The following MCPH1 variants were observed in gnomAD, a reference collection of about 807,000 sequenced individuals.
MCPH1 encodes microcephalin 1.
MCPH1 carries 104 observed loss-of-function variants against 84.5 expected under a neutral mutation model. That is an observed-to-expected ratio of 1.23 (90% CI 1.05 to 1.45). The LOEUF is 1.45. Ranked by LOEUF, MCPH1 falls within the 40% of genes most tolerant of loss-of-function variation. The pLI is 0.00. For missense variants in MCPH1, 1,498 were observed against 1,005.7 expected, an observed-to-expected ratio of 1.49 and a Z score of -6.62; for synonymous variants, 514 against 366.8, an observed-to-expected ratio of 1.40 and a Z score of -4.58.
intron 9 of MCPH1, among the ~76,000 whole-genome samples, chr8:6,470,379 G>C (rs1230621506): frequency 6.6e-6 from 1 of 152,136 alleles, no homozygotes; most frequent in East Asian, 1.9e-4. Flanking sequence ...CGTCTCCCGG[G>C]TTCAAGCGAT....
chr8:6,537,507 C>T (rs190981919), intron 12 of MCPH1, among the ~76,000 whole-genome samples: 165 of 151,024 alleles, frequency 1.1e-3, no homozygotes, highest in Non-Finnish European at 1.9e-3. Context: ...GGCAGCGCAT[C>T]GAAACTCAAG....
intron 3 of MCPH1, 73 bp from the exon 4 acceptor site, chr8:6,431,426 G>C: frequency 9.1e-7 from 1 of 1,099,034 alleles, no homozygotes; most frequent in Non-Finnish European, 1.4e-6. Context: ...GCTAATACAT[G>C]TGCAGATTTA....
intron 12 of MCPH1, among the ~76,000 whole-genome samples, chr8:6,540,222 A>T (rs568306825): frequency 6.6e-6 from 1 of 152,170 alleles, no homozygotes; most frequent in East Asian, 1.9e-4. Context: ...TTCCACATAT[A>T]TTCATATCAT....
chr8:6,513,951 A>G, intron 12 of MCPH1: 1 of 1,115,160 alleles, frequency 9.0e-7, no homozygotes, highest in South Asian at 1.8e-5. Flanking sequence ...AATAGCAGAA[A>G]TTCCTTCTGG....
At chr8:6,640,852 G>A (rs1015378305) in intron 13 of MCPH1, among the ~76,000 whole-genome samples, 13 of 152,132 alleles carry the variant, frequency 8.5e-5, no homozygotes, top group African/African-American at 2.9e-4. Flanking sequence ...ACTGTATAAT[G>A]TGAGGGGACC....
intron 9 of MCPH1, among the ~76,000 whole-genome samples, chr8:6,462,735 T>A (rs1375040243): frequency 6.6e-6 from 1 of 152,200 alleles, no homozygotes; most frequent in Non-Finnish European, 1.5e-5. Flanking sequence ...AAAACAGGAA[T>A]AATAATAATA....
At chr8:6,448,867 G>T (rs1282756378) in intron 8 of MCPH1, among the ~76,000 whole-genome samples, 1 of 151,970 alleles carries the variant, frequency 6.6e-6, no homozygotes, top group Non-Finnish European at 1.5e-5. Context: ...ACCAAATCGA[G>T]GTATGTAGGT....
At chr8:6,432,479 G>C (rs1199345340) in intron 4 of MCPH1, among the ~76,000 whole-genome samples, 1 of 152,204 alleles carries the variant, frequency 6.6e-6, no homozygotes, top group East Asian at 1.9e-4. Context: ...TTTCATTTGA[G>C]ATAGAATTCA....
At chr8:6,596,390 G>C (rs1056317418) in intron 12 of MCPH1, among the ~76,000 whole-genome samples, 1 of 152,162 alleles carries the variant, frequency 6.6e-6, no homozygotes, top group Non-Finnish European at 1.5e-5. Context: ...GTTATACACA[G>C]TAAAGAGATG....
At chr8:6,460,519 G>A (rs1189240198) in intron 9 of MCPH1, among the ~76,000 whole-genome samples, 1 of 151,652 alleles carries the variant, frequency 6.6e-6, no homozygotes, top group East Asian at 1.9e-4. Flanking sequence ...CCCTCTATTT[G>A]ATTTATAAAA....
intron 2 of MCPH1, among the ~76,000 whole-genome samples, chr8:6,414,538 C>G (rs1208832800): frequency 6.6e-6 from 1 of 152,184 alleles, no homozygotes; most frequent in Non-Finnish European, 1.5e-5. Context: ...TCTATTCTTT[C>G]AGTAACACTT....
Position 6,462,390 on chromosome 8 carries a change from G to A in MCPH1, c.1935+7138G>A, listed in dbSNP as rs574668195. 4.5e-4 allele frequency among the ~76,000 whole-genome samples: 69 copies of A among 152,284 alleles called. No homozygotes were observed. In the South Asian group the frequency reaches 5.0e-3, roughly 11 times the overall value. ...AATAAGTGCTCAGTAAATATTTTCT[G>A]AGTAAATAAGAGATGCATTAATTTC... On this transcript the variant is annotated intron_variant, in intron 9 of 13. Coordinates refer to ENST00000344683, the MANE Select transcript of MCPH1 (RefSeq NM_024596.5).
chr8:6,417,324 C>G (rs941794983), intron 3 of MCPH1, among the ~76,000 whole-genome samples: 2 of 152,176 alleles, frequency 1.3e-5, no homozygotes, highest in South Asian at 4.1e-4. Context: ...GGTCTCTGCT[C>G]AACAGCTCAG....
chr8:6,411,278 T>C (rs537652015), intron 2 of MCPH1, among the ~76,000 whole-genome samples: 1 of 152,262 alleles, frequency 6.6e-6, no homozygotes, highest in South Asian at 2.1e-4. Context: ...TGGTGACATA[T>C]CCACCAGAAG....
chr8:6,562,695 C>T (rs1563132385), intron 12 of MCPH1: 2 of 1,609,146 alleles, frequency 1.2e-6, no homozygotes, highest in East Asian at 4.5e-5. Context: ...CCAGCACTTG[C>T]AGCCTCTGCA....
intron 9 of MCPH1, among the ~76,000 whole-genome samples, chr8:6,455,856 G>T (rs140695337): frequency 9.2e-5 from 14 of 152,116 alleles, no homozygotes; most frequent in African/African-American, 3.1e-4. Flanking sequence ...ATTTTTATGA[G>T]GCCAAAAAAG....
At chr8:6,455,316 G>C in intron 9 of MCPH1, 64 bp downstream of exon 9, 1 of 1,175,488 alleles carries the variant, frequency 8.5e-7, no homozygotes, top group South Asian at 1.2e-5. Flanking sequence ...TTCTTCTCTG[G>C]GTCAATGAAA....
At chr8:6,502,780 T>C (rs1350611923) in intron 12 of MCPH1, 1 of 339,332 alleles carries the variant, frequency 2.9e-6, no homozygotes. Context: ...TATTTACTGA[T>C]AAACTTGCAC....
At chr8:6,457,723 G>C (rs1040694810) in intron 9 of MCPH1, among the ~76,000 whole-genome samples, 1 of 152,200 alleles carries the variant, frequency 6.6e-6, no homozygotes, top group African/African-American at 2.4e-5. Flanking sequence ...CCTAGTGAGG[G>C]CGAAGAATCC....
Sources: allele counts gnomAD v4.1 joint callset (sites outside exome capture counted in the v4.1 genomes callset), GRCh38; gene constraint gnomAD v4.1.1; transcripts MANE v1.5; gene names NCBI Gene and HGNC (gene_info 2026-07-23, HGNC 2026-07-21).